DEPDC5: variants seen among roughly 807,000 people sequenced by gnomAD.
DEPDC5 encodes GATOR1 complex protein DEPDC5.
DEPDC5 carries 73 observed loss-of-function variants against 217.3 expected under a neutral mutation model. That is an observed-to-expected ratio of 0.34 (90% CI 0.28 to 0.41). The LOEUF (loss-of-function observed/expected upper bound fraction) is 0.41. Ranked by LOEUF, DEPDC5 falls within the 10% of genes least tolerant of loss-of-function variation. DEPDC5 has a pLI of 1.00. For missense variants in DEPDC5, 1,675 were observed against 2,070.1 expected, an observed-to-expected ratio of 0.81 and a Z score of 3.70; for synonymous variants, 733 against 756.7, an observed-to-expected ratio of 0.97 and a Z score of 0.51.
intron 21 of DEPDC5, chr22:31,817,224 C>G (rs2089229164): frequency 6.1e-6 from 1 of 163,030 alleles, no homozygotes; most frequent in Non-Finnish European, 1.3e-5. Flanking sequence ...ATTCTCTTGC[C>G]TCAGCCTCCC....
chr22:31,836,892 T>TC, intron 25 of DEPDC5, 80 bp from the exon 26 acceptor site: 1 of 900,314 alleles, frequency 1.1e-6, no homozygotes, highest in South Asian at 1.5e-5. Context: ...CACTCTTCCC[T>TC]CCCCTTCCCT....
At chr22:31,889,515 G>A (rs1902632114) in intron 38 of DEPDC5, among the ~76,000 whole-genome samples, 1 of 149,244 alleles carries the variant, frequency 6.7e-6, no homozygotes, top group South Asian at 2.1e-4. Flanking sequence ...GAAACACACA[G>A]TGTCCAAGAC....
chr22:31,877,945 T>C (rs975098149), intron 37 of DEPDC5, among the ~76,000 whole-genome samples: 30 of 152,038 alleles, frequency 2.0e-4, no homozygotes, highest in Non-Finnish European at 7.4e-5. Context: ...CTCAGCACTT[T>C]GGGAGGCCGA....
At chr22:31,782,032 A>G (rs1434295792) in intron 8 of DEPDC5, among the ~76,000 whole-genome samples, 3 of 152,170 alleles carry the variant, frequency 2.0e-5, no homozygotes, top group East Asian at 3.9e-4. Flanking sequence ...CCTTGTCTCT[A>G]TGAACAGACA....
chr22:31,818,982 G>A, intron 21 of DEPDC5, 40 bp from the exon 22 acceptor site: 3 of 1,608,596 alleles, frequency 1.9e-6, no homozygotes, highest in Non-Finnish European at 2.6e-6. Context: ...CTGTGGTTCT[G>A]TGGTTTTTCT....
Position 31,906,723 on chromosome 22 carries a change from C to T in DEPDC5, c.*226C>T. 1.6e-6 allele frequency: 1 copy of T among 612,914 alleles called. No individual in the cohort carries two copies. The highest frequency in any genetic ancestry group is 2.0e-5 in the South Asian group (1 of 49,100). The allele number at this position is 612,914 out of a possible 1,614,324, so 38.0% of individuals were successfully genotyped here. On this transcript the variant is annotated 3_prime_UTR_variant, in exon 43 of 43. Transcript: ENST00000651528. This position sits in a 1 kb window ranked among gnomAD's most constrained non-coding sequence, Gnocchi z 5.1. ...TTGGAAGCAGCTGCTGCTGCTGCCACCACTCCTGTCAGCAAGTGCTCAGAG... is the reference window on the plus strand; with the variant it reads ...TTGGAAGCAGCTGCTGCTGCTGCCATCACTCCTGTCAGCAAGTGCTCAGAG...
chr22:31,859,032 A>C (rs1302056842), intron 32 of DEPDC5: 2 of 150,810 alleles, frequency 1.3e-5, no homozygotes, highest in Non-Finnish European at 3.0e-5. Context: ...CTATTGTGTA[A>C]GTATAGTATT....
chr22:31,807,389 A>G (rs1267008348), intron 18 of DEPDC5, among the ~76,000 whole-genome samples: 2 of 152,228 alleles, frequency 1.3e-5, no homozygotes, highest in Non-Finnish European at 1.5e-5. Flanking sequence ...TTTGCAACTG[A>G]TAAAAATGCA....
At chr22:31,814,760 C>T in intron 20 of DEPDC5, 1 of 554,016 alleles carries the variant, frequency 1.8e-6, no homozygotes, top group Non-Finnish European at 3.2e-6. Flanking sequence ...TTCTTTACAA[C>T]TATGATCCTA....
intron 38 of DEPDC5, chr22:31,891,304 A>T: frequency 2.1e-6 from 1 of 479,948 alleles, no homozygotes; most frequent in Non-Finnish European, 3.9e-6. Context: ...TAAAATCATT[A>T]TCTTTACATT....
chr22:31,796,996 CTTT>C, intron 12 of DEPDC5, among the ~76,000 whole-genome samples: 1 of 132,560 alleles, frequency 7.5e-6, no homozygotes, highest in Admixed American at 7.8e-5. Flanking sequence ...TGCCCAGCCT[CTTT>C]TTTTTTTTTT....
chr22:31,867,996 G>T (rs1261318201), intron 33 of DEPDC5, among the ~76,000 whole-genome samples: 3 of 152,066 alleles, frequency 2.0e-5, no homozygotes, highest in Non-Finnish European at 4.4e-5. Flanking sequence ...TTAAATTTAC[G>T]GCATGGTCTC....
At chr22:31,760,386 A>G (rs1193342629) in intron 3 of DEPDC5, among the ~76,000 whole-genome samples, 4 of 150,894 alleles carry the variant, frequency 2.7e-5, no homozygotes, top group African/African-American at 9.8e-5. Flanking sequence ...TCTATTTTTT[A>G]GTAGAGAAGG....
intron 30 of DEPDC5, 126 bp downstream of exon 30, chr22:31,845,363 A>C: frequency 7.9e-7 from 1 of 1,267,220 alleles, no homozygotes; most frequent in Non-Finnish European, 1.1e-6. Flanking sequence ...TTTACCTTAA[A>C]TCCAAAACAG....
At chr22:31,872,543 G>C (rs917661638) in intron 34 of DEPDC5, among the ~76,000 whole-genome samples, 1 of 152,098 alleles carries the variant, frequency 6.6e-6, no homozygotes, top group Non-Finnish European at 1.5e-5. Flanking sequence ...CATGCTCTTA[G>C]GGTGTTACCT....
At position 31,870,570 on chromosome 22, in the gene DEPDC5, C is replaced by G. The variant is rs2092812665; in HGVS notation, c.3331-20C>G. 2 of 1,483,704 alleles carry G rather than the reference C, an allele frequency of 1.3e-6. No individual in the cohort carries two copies. Among genetic ancestry groups the G allele is most frequent in the Non-Finnish European group, 1.8e-6 (2 of 1,113,800 alleles). 91.9% of individuals were successfully genotyped at this position (1,483,704 alleles called of 1,614,324 possible). On this transcript the variant is annotated intron_variant, in intron 33 of 42. Transcript: ENST00000651528. ...TCAGTTATTTTTGGAATCAAGTATTCATTTTTAAATCTCCTGCAGGTATCT... is the reference window on the plus strand; with the variant it reads ...TCAGTTATTTTTGGAATCAAGTATTGATTTTTAAATCTCCTGCAGGTATCT...
At chr22:31,876,634 AT>A (rs2092998948) in intron 37 of DEPDC5, among the ~76,000 whole-genome samples, 1 of 152,026 alleles carries the variant, frequency 6.6e-6, no homozygotes, top group Non-Finnish European at 1.5e-5. Context: ...CCAGTCTGTG[AT>A]TTATAGCACT....
intron 2 of DEPDC5, among the ~76,000 whole-genome samples, chr22:31,758,113 C>T (rs893796462): frequency 2.6e-5 from 4 of 152,122 alleles, no homozygotes; most frequent in Non-Finnish European, 4.4e-5. Context: ...TTTATTGTGA[C>T]GGTCACATTA....
chr22:31,862,959 G>T (rs995717725), intron 33 of DEPDC5, among the ~76,000 whole-genome samples: 1 of 152,084 alleles, frequency 6.6e-6, no homozygotes, highest in Non-Finnish European at 1.5e-5. Flanking sequence ...CCAGGCTGGA[G>T]TCCAGCCTCA....
Sources: gnomAD v4.1 joint callset for allele counts (sites outside exome capture counted in the v4.1 genomes callset) on GRCh38, gnomAD v4.1.1 for gene constraint, Gnocchi (gnomAD v3.1) non-coding constraint, MANE v1.5 for transcripts, NCBI Gene and HGNC (gene_info 2026-07-23, HGNC 2026-07-21) for gene names.